RRM2: variants seen among roughly 807,000 people sequenced by gnomAD.
RRM2 encodes the protein ribonucleoside-diphosphate reductase subunit M2.
In RRM2, 6 loss-of-function variants were observed where a neutral mutation model predicts 45.9. The observed-to-expected ratio is 0.13, with a 90% CI of 0.07 to 0.26. The LOEUF (loss-of-function observed/expected upper bound fraction) is 0.26, where lower values mean the gene tolerates loss of function less well. RRM2 is among the 10% of genes least tolerant of loss of function. RRM2 has a pLI of 1.00. For synonymous variants in RRM2, 177 were observed against 173.0 expected (o/e 1.02, Z -0.18); for missense variants, 343 against 489.5 (o/e 0.70, Z 2.82).
intron 3 of RRM2, among the ~76,000 whole-genome samples, chr2:10,207,402 T>G (rs1383488739): frequency 1.3e-5 from 2 of 152,164 alleles, no homozygotes; most frequent in South Asian, 2.1e-4. Flanking sequence ...TCTCTTTGAA[T>G]GGCAATCTGA....
intron 3 of RRM2, among the ~76,000 whole-genome samples, chr2:10,209,627 G>A (rs1188682652): frequency 3.4e-5 from 3 of 89,264 alleles, no homozygotes; most frequent in African/African-American, 8.5e-5. Context: ...GTGTGTGTGT[G>A]TGTGTGTGTG....
upstream of RRM2, chr2:10,122,715 G>T: frequency 6.4e-7 from 1 of 1,551,186 alleles, no homozygotes; most frequent in Non-Finnish European, 8.7e-7. Flanking sequence ...GAGATTTAAA[G>T]GCTGCTGGAG....
intron 3 of RRM2, among the ~76,000 whole-genome samples, chr2:10,209,058 T>TTTCTTTCTTTCTTTCC: frequency 8.1e-6 from 1 of 123,748 alleles, no homozygotes; most frequent in South Asian, 2.4e-4. Flanking sequence ...TCTTTCTTTC[T>TTTCTTTCTTTCTTTCC]TTTTTTTTTT....
At chr2:10,188,410 C>T (rs1242989594) in intron 3 of RRM2, among the ~76,000 whole-genome samples, 2 of 152,224 alleles carry the variant, frequency 1.3e-5, no homozygotes, top group East Asian at 1.9e-4. Context: ...TTGCTGTGTC[C>T]TCACATGGAC....
rs772737943 is a variant in RRM2 at position 10,195,503 on chromosome 2, G to T, written n.483-14808G>T. ...CTTGGCCCAGCCCTGCAGTCAGGCA[G>T]TAGGTGAGCCCTGAAGGGTGAGGTT... On this transcript the variant is annotated intron_variant and non_coding_transcript_variant, in intron 3 of 3. Coordinates refer to the RRM2 transcript ENST00000381786. The surrounding 1 kb of genome is among the most constrained non-coding windows in gnomAD (Gnocchi z 4.9). 1.3e-5 allele frequency among the ~76,000 whole-genome samples: 2 copies of T among 152,364 alleles called. No individual in the cohort carries two copies. The highest frequency in any genetic ancestry group is 1.3e-4 in the Admixed American group (2 of 15,302).
At chr2:10,186,273 G>A (rs561033490) in intron 3 of RRM2, among the ~76,000 whole-genome samples, 1 of 151,970 alleles carries the variant, frequency 6.6e-6, no homozygotes. Context: ...TCAGCATCCC[G>A]AGTAGCTGGG....
In RRM2 at chr2:10,127,986, G is replaced by A. The variant is rs1477108247; in HGVS notation, c.798+766G>A. Among the ~76,000 whole-genome samples, 4 of 151,884 alleles carry A rather than the reference G, an allele frequency of 2.6e-5. No homozygotes were observed. The highest frequency in any genetic ancestry group is 5.9e-5 in the Non-Finnish European group (4 of 67,962). On this transcript the variant is annotated intron_variant, in intron 7 of 9. Transcript: ENST00000304567. The surrounding 1 kb of genome is among the most constrained non-coding windows in gnomAD (Gnocchi z 4.1). Reference sequence around the variant, plus strand: ...TTGAGACCATCCTGGCTAACACGGTGAAACCCCATCTCTACTAAAAATACA... The same window carrying A: ...TTGAGACCATCCTGGCTAACACGGTAAAACCCCATCTCTACTAAAAATACA...
At chr2:10,147,909 C>T (rs1234269382) in intron 3 of RRM2, among the ~76,000 whole-genome samples, 1 of 152,108 alleles carries the variant, frequency 6.6e-6, no homozygotes, top group Non-Finnish European at 1.5e-5. Flanking sequence ...CTTTGGGAGG[C>T]TGAGGCGGGT....
At chr2:10,175,314 A>C (rs954161794) in intron 3 of RRM2, among the ~76,000 whole-genome samples, 1 of 152,228 alleles carries the variant, frequency 6.6e-6, no homozygotes, top group African/African-American at 2.4e-5. Flanking sequence ...ATATAAACGA[A>C]CCATGTTGTA....
intron 3 of RRM2, among the ~76,000 whole-genome samples, chr2:10,191,261 G>A (rs752358336): frequency 6.6e-6 from 1 of 152,350 alleles, no homozygotes; most frequent in Non-Finnish European, 1.5e-5. Flanking sequence ...TTGGGGCAGC[G>A]TGGCCTTGGT....
chr2:10,137,699 G>A (rs1371520229), upstream of RRM2, among the ~76,000 whole-genome samples: 1 of 152,244 alleles, frequency 6.6e-6, no homozygotes, highest in Non-Finnish European at 1.5e-5. Flanking sequence ...AGCTTCCCTT[G>A]GAGGTGGAAA....
At position 10,195,099 on chromosome 2, in the gene RRM2, G is replaced by A. The variant is rs1195678916; in HGVS notation, n.483-15212G>A. ...AATTCATTCTGATCCCTTGGCCTTG[G>A]AAAAGGCACTTAGCAGGGTGGTGAG... On this transcript the variant is annotated intron_variant and non_coding_transcript_variant, in intron 3 of 3. Transcript: ENST00000381786. The surrounding 1 kb of genome is among the most constrained non-coding windows in gnomAD (Gnocchi z 4.9). Among the ~76,000 whole-genome samples the A allele has an allele frequency of 6.6e-6, 1 of 151,972 alleles. No homozygotes were observed. Among genetic ancestry groups the A allele is most frequent in the African/African-American group, 2.4e-5 (1 of 41,306 alleles).
chr2:10,173,294 C>G (rs1010901609), intron 3 of RRM2, among the ~76,000 whole-genome samples: 1 of 152,220 alleles, frequency 6.6e-6, no homozygotes, highest in Non-Finnish European at 1.5e-5. Context: ...TATTTCATCT[C>G]TCTCCGTTAT....
downstream of RRM2, among the ~76,000 whole-genome samples, chr2:10,132,219 G>A (rs1237447824): frequency 6.6e-6 from 1 of 152,200 alleles, no homozygotes; most frequent in Non-Finnish European, 1.5e-5. Context: ...CTCTTGTCAG[G>A]TGACGTTTTC....
At chr2:10,137,636 T>G (rs1663013240), upstream of RRM2, among the ~76,000 whole-genome samples, 1 of 152,218 alleles carries the variant, frequency 6.6e-6, no homozygotes, top group Non-Finnish European at 1.5e-5. Flanking sequence ...GGACAGGTAC[T>G]CACATGCCCA....
Position 10,127,067 on chromosome 2 carries a change from T to C in RRM2, c.665-20T>C, listed in dbSNP as rs2125307327. Reference sequence around the variant, plus strand: ...GAATACCAACTCACTAGAATCATGTTGGTGTTAACTCCTAAATAGGTGAAC... The same window carrying C: ...GAATACCAACTCACTAGAATCATGTCGGTGTTAACTCCTAAATAGGTGAAC... On this transcript the variant is annotated intron_variant, in intron 6 of 9. Transcript: ENST00000304567. This position sits in a 1 kb window ranked among gnomAD's most constrained non-coding sequence, Gnocchi z 4.1. 6.2e-7 allele frequency: 1 copy of C among 1,613,264 alleles called. No individual in the cohort carries two copies. The highest frequency in any genetic ancestry group is 8.5e-7 in the Non-Finnish European group (1 of 1,179,198).
At chr2:10,191,964 G>A (rs936686592) in intron 3 of RRM2, among the ~76,000 whole-genome samples, 6 of 152,156 alleles carry the variant, frequency 3.9e-5, no homozygotes, top group Non-Finnish European at 8.8e-5. Context: ...ATCTGCACAC[G>A]ACTCCTGGCT....
chr2:10,153,470 TTC>T (rs960106517), intron 3 of RRM2, among the ~76,000 whole-genome samples: 3 of 152,180 alleles, frequency 2.0e-5, no homozygotes, highest in Admixed American at 2.0e-4. Context: ...GGGTTTATTT[TTC>T]TGTTCTCTTT....
At chr2:10,170,918 C>CA (rs1199561902) in intron 3 of RRM2, among the ~76,000 whole-genome samples, 2 of 152,224 alleles carry the variant, frequency 1.3e-5, no homozygotes, top group African/African-American at 4.8e-5. Context: ...GGAGAAGTGA[C>CA]GTCCTTTAAA....
Sources: gnomAD v4.1 joint callset for allele counts (sites outside exome capture counted in the v4.1 genomes callset) on GRCh38, gnomAD v4.1.1 for gene constraint, Gnocchi (gnomAD v3.1) non-coding constraint, MANE v1.5 for transcripts, NCBI Gene and HGNC (gene_info 2026-07-23, HGNC 2026-07-21) for gene names.